Variants in EP400 observed in about 807,000 individuals in gnomAD.
The protein encoded by EP400 is E1A-binding protein p400.
In EP400, 105 loss-of-function variants were observed where a neutral mutation model predicts 354.1. The observed-to-expected ratio is 0.30, with a 90% CI of 0.25 to 0.35. The LOEUF is 0.35. EP400 is among the 10% of genes least tolerant of loss of function. EP400 has a pLI of 1.00. For synonymous variants in EP400, 1,646 were observed against 1,716.9 expected, an observed-to-expected ratio of 0.96 and a Z score of 1.02; for missense variants, 3,280 against 4,121.0, an observed-to-expected ratio of 0.80 and a Z score of 5.59.
rs773797350 is a variant in EP400, at chr12:132,044,257, G to A, written c.6531G>A (p.Leu2177=). The stretch of plus-strand genomic sequence containing the variant: ...AGGAGAGGGAGGCCCGGCTGCGGCT[G>A]GAGCAGGAGGAGGCGGAGCTCCTGA... The part of the protein sequence containing the change: ...TLQEREARLR[L]EQEEAELLTY... Residue 2177 remains leucine, a synonymous_variant, in exon 35 of 53, where the codon CTG becomes CTA. Transcript: ENST00000389561. 3 of 1,614,118 alleles carry A rather than the reference G, an allele frequency of 1.9e-6. No homozygotes were observed. Among genetic ancestry groups the A allele is most frequent in the East Asian group, 2.2e-5 (1 of 44,882 alleles).
intron 7 of EP400, among the ~76,000 whole-genome samples, chr12:131,989,730 G>T (rs571892482): frequency 6.6e-6 from 1 of 152,302 alleles, no homozygotes; most frequent in South Asian, 2.1e-4. Flanking sequence ...GGAAAATAAT[G>T]TGTATTTGGT....
At chr12:132,045,252 T>G in intron 37 of EP400, 67 bp from the exon 38 acceptor site, 1 of 1,583,068 alleles carries the variant, frequency 6.3e-7, no homozygotes, top group South Asian at 1.2e-5. Flanking sequence ...CTGTTTCCTT[T>G]GTCTTTTGCC....
rs1893138358 is a variant in EP400, at chr12:131,994,397, T to C, written c.2738-470T>C. Among the ~76,000 whole-genome samples the C allele has an allele frequency of 6.6e-6, 1 of 152,052 alleles. No homozygotes were observed. Among genetic ancestry groups the C allele is most frequent in the Non-Finnish European group, 1.5e-5 (1 of 68,014 alleles). ...TCTCTGCCAGGAGCCAAGATCTCTA[T>C]GGCGAGTGAGGCGTGAGGTTCAGGG... On this transcript the variant is annotated intron_variant, in intron 11 of 52. Transcript: ENST00000389561. The surrounding 1 kb of genome is among the most constrained non-coding windows in gnomAD (Gnocchi z 4.6).
At chr12:131,950,382 C>T (rs1022936581) in intron 1 of EP400, among the ~76,000 whole-genome samples, 1 of 152,206 alleles carries the variant, frequency 6.6e-6, no homozygotes, top group Non-Finnish European at 1.5e-5. Flanking sequence ...CGGCCCGCGC[C>T]TCCTGGTTCT....
At chr12:132,053,093 T>A (rs1895359154) in intron 41 of EP400, 53 bp from the exon 42 acceptor site, 1 of 1,587,156 alleles carries the variant, frequency 6.3e-7, no homozygotes. Flanking sequence ...ACGTGGTACT[T>A]GTCTGTCTTA....
Position 132,044,168 on chromosome 12 carries a change from C to T in EP400, c.6451-9C>T, listed in dbSNP as rs1270424704. ...TGATCCTGAAAGTTCTTGCTGCTCT[C>T]CCCGTCAGGACGCAGTGATGACTGC... On this transcript the variant is annotated splice_polypyrimidine_tract_variant and intron_variant, in intron 34 of 52. Coordinates refer to ENST00000389561, the MANE Select transcript of EP400 (RefSeq NM_015409.5). 1.2e-6 allele frequency: 2 copies of T among 1,613,038 alleles called. No individual in the cohort carries two copies. The highest frequency in any genetic ancestry group is 1.7e-6 in the Non-Finnish European group (2 of 1,179,142).
At chr12:132,064,235 C>T (rs1895811752) in intron 47 of EP400, among the ~76,000 whole-genome samples, 3 of 152,342 alleles carry the variant, frequency 2.0e-5, no homozygotes, top group South Asian at 4.1e-4. Flanking sequence ...TCGTTCCTCA[C>T]TCTGCCCTCT....
intron 15 of EP400, among the ~76,000 whole-genome samples, chr12:132,009,830 ATTT>A (rs35513772): frequency 2.5e-5 from 2 of 79,722 alleles, no homozygotes; most frequent in Admixed American, 1.4e-4. Context: ...CGCCTGGCTA[ATTT>A]TTTTTTTTTT....
intron 51 of EP400, among the ~76,000 whole-genome samples, chr12:132,073,780 T>C: frequency 6.6e-6 from 1 of 151,954 alleles, no homozygotes; most frequent in East Asian, 1.9e-4. Context: ...TCTTTGACTT[T>C]TTATGTGGAA....
At chr12:132,062,777 C>A in intron 47 of EP400, 76 bp downstream of exon 47, 1 of 1,568,206 alleles carries the variant, frequency 6.4e-7, no homozygotes, top group Admixed American at 1.7e-5. Flanking sequence ...ACGGTGCCTG[C>A]TTGCATGGTG....
At chr12:132,073,746 C>T (rs1896138032) in intron 51 of EP400, among the ~76,000 whole-genome samples, 1 of 151,962 alleles carries the variant, frequency 6.6e-6, no homozygotes, top group Non-Finnish European at 1.5e-5. Context: ...CCACCATGCC[C>T]AGCCATAATT....
intron 19 of EP400, among the ~76,000 whole-genome samples, chr12:132,015,634 G>A (rs929446490): frequency 3.3e-5 from 5 of 152,178 alleles, no homozygotes; most frequent in African/African-American, 1.2e-4. Context: ...TTGGGGGAAA[G>A]CACGTCTTAT....
intron 12 of EP400, among the ~76,000 whole-genome samples, chr12:132,002,732 A>G (rs1328219010): frequency 6.6e-6 from 1 of 152,238 alleles, no homozygotes; most frequent in African/African-American, 2.4e-5. Context: ...ACCTACGGTC[A>G]TTCTCACATA....
At chr12:131,979,567 G>A (rs1666393304) in intron 2 of EP400, 127 bp from the exon 3 acceptor site, 3 of 681,754 alleles carry the variant, frequency 4.4e-6, no homozygotes, top group Non-Finnish European at 4.7e-6. Flanking sequence ...TTAAAGACAC[G>A]GGGTAGATAA....
chr12:132,037,399 G>C (rs543090800), intron 30 of EP400, among the ~76,000 whole-genome samples: 1 of 152,334 alleles, frequency 6.6e-6, no homozygotes, highest in Non-Finnish European at 1.5e-5. Context: ...GACATTTCCA[G>C]GTTGAGACTG....
chr12:131,980,489 G>A (rs1892642494), intron 3 of EP400, among the ~76,000 whole-genome samples: 1 of 152,158 alleles, frequency 6.6e-6, no homozygotes, highest in African/African-American at 2.4e-5. Context: ...GTCTGTTACA[G>A]TGAGCTAAGG....
At chr12:132,066,697 C>A in intron 48 of EP400, 77 bp from the exon 49 acceptor site, 1 of 1,439,184 alleles carries the variant, frequency 6.9e-7, no homozygotes, top group Non-Finnish European at 9.4e-7. Context: ...ATGGCATGAC[C>A]TCTTGTGGAG....
chr12:131,983,057 G>C (rs1266865131), intron 5 of EP400, among the ~76,000 whole-genome samples: 1 of 152,008 alleles, frequency 6.6e-6, no homozygotes, highest in Non-Finnish European at 1.5e-5. Flanking sequence ...TCACCCATAT[G>C]TTGTGTGAAG....
intron 29 of EP400, among the ~76,000 whole-genome samples, chr12:132,030,534 T>C (rs1894453835): frequency 6.6e-6 from 1 of 152,220 alleles, no homozygotes; most frequent in South Asian, 2.1e-4. Flanking sequence ...CAAGGCTGTT[T>C]TGTTTCATCA....
Sources: allele counts gnomAD v4.1 joint callset (sites outside exome capture counted in the v4.1 genomes callset), GRCh38; gene constraint gnomAD v4.1.1; non-coding constraint Gnocchi (gnomAD v3.1); transcripts MANE v1.5; gene names NCBI Gene and HGNC (gene_info 2026-07-23, HGNC 2026-07-21).